The following CCDC183 variants were observed in gnomAD, a reference collection of about 807,000 sequenced individuals.
CCDC183 encodes coiled-coil domain-containing protein 183.
Under a neutral mutation model 65.2 loss-of-function variants are expected in CCDC183, and 63 were observed. The observed-to-expected ratio is 0.97, with a 90% CI of 0.79 to 1.19. CCDC183 has a LOEUF of 1.19. Ranked by LOEUF, CCDC183 falls within the 50% of genes most tolerant of loss-of-function variation. The probability of loss-of-function intolerance (pLI) is 0.00; values close to 1 mark genes in which losing one functional copy is unlikely to be tolerated. For missense variants in CCDC183, 769 were observed against 689.3 expected (o/e 1.12, Z -1.30); for synonymous variants, 323 against 276.5 (o/e 1.17, Z -1.67).
chr9:136,805,055 T>A (rs929262880), intron 8 of CCDC183: 20 of 596,458 alleles, frequency 3.4e-5, no homozygotes, highest in African/African-American at 2.8e-4. Flanking sequence ...CCCCAGTGAC[T>A]CTGCAGAGGA....
In CCDC183 at chr9:136,805,240, C is replaced by T. The variant is rs141051132; in HGVS notation, c.848-117C>T. 1.4e-5 allele frequency: 11 copies of T among 774,004 alleles called. 1 individual carries two copies. In the East Asian group the frequency reaches 3.0e-4, roughly 21 times the overall value. The allele number at this position is 774,004 out of a possible 1,614,324, so 47.9% of individuals were successfully genotyped here. ...CGGGGGCAGGCATCTCTGAAGGATG[C>T]CTGTGTCTTGGGTGGCCGCCCCAGC... On this transcript the variant is annotated intron_variant, in intron 8 of 13. Transcript: ENST00000338005.
chr9:136,801,965 A>G (rs1847742666), intron 5 of CCDC183, among the ~76,000 whole-genome samples: 1 of 151,584 alleles, frequency 6.6e-6, no homozygotes, highest in Admixed American at 6.6e-5. Context: ...TTTTTTTTGT[A>G]TTTTTAGTAG....
intron 10 of CCDC183, 121 bp downstream of exon 10, chr9:136,806,359 G>T: frequency 7.2e-7 from 1 of 1,380,724 alleles, no homozygotes. Context: ...CCCACAGAGG[G>T]GCCAGGGGAC....
intron 5 of CCDC183, among the ~76,000 whole-genome samples, chr9:136,801,047 C>G (rs1847730405): frequency 6.6e-6 from 1 of 152,232 alleles, no homozygotes; most frequent in Non-Finnish European, 1.5e-5. Flanking sequence ...GAGGAGCAAC[C>G]TGTGGATGGG....
intron 6 of CCDC183, among the ~76,000 whole-genome samples, chr9:136,803,163 CA>C (rs1564350089): frequency 1.5e-4 from 7 of 45,198 alleles, no homozygotes; most frequent in African/African-American, 1.1e-3. Flanking sequence ...CCCCCAGGGC[CA>C]GCCCTCTTGG....
At position 136,797,501 on chromosome 9, in the gene CCDC183, C is replaced by T. The variant is rs539282687; in HGVS notation, c.70+1034C>T. ...TTGCCCAGACGGCAGTGCAGTGGCG[C>T]GATCTCGGCTCACTGCAAGCTCCAC... On this transcript the variant is annotated intron_variant, in intron 1 of 13. Transcript: ENST00000338005. Among the ~76,000 whole-genome samples the T allele has an allele frequency of 2.2e-4, 33 of 151,210 alleles. 2 individuals carry two copies. In the South Asian group the frequency reaches 5.9e-3, roughly 27 times the overall value.
chr9:136,804,887 G>A lies in CCDC183; in HGVS notation c.847+71G>A, dbSNP rs1389631119. The stretch of plus-strand genomic sequence containing the variant: ...GAGGCTGGCACTGATTCAGGCCAAC[G>A]GATCAAGTCACCCTGAGGCCAGGTG... On this transcript the variant is annotated intron_variant, in intron 8 of 13. Transcript: ENST00000338005. This position sits in a 1 kb window ranked among gnomAD's most constrained non-coding sequence, Gnocchi z 4.1. 1.2e-5 allele frequency: 16 copies of A among 1,363,668 alleles called. 1 individual carries two copies. Among genetic ancestry groups the A allele is most frequent in the South Asian group, 4.7e-5 (4 of 84,638 alleles). 84.5% of individuals were successfully genotyped at this position (1,363,668 alleles called of 1,614,324 possible). A position where few individuals can be genotyped will look rare whatever the true frequency, so the allele number is the denominator to read the frequency against.
chr9:136,804,261 G>C lies in CCDC183; in HGVS notation c.667-241G>C. On this transcript the variant is annotated intron_variant, in intron 6 of 13. Coordinates refer to ENST00000338005, the MANE Select transcript of CCDC183 (RefSeq NM_001039374.5). This position sits in a 1 kb window ranked among gnomAD's most constrained non-coding sequence, Gnocchi z 4.1. ...GGACCTGGCCAGGAGGCAGCTGGGGGCCAGCGGCTGGAGGGCAGCAGAGCG... is the reference window on the plus strand; with the variant it reads ...GGACCTGGCCAGGAGGCAGCTGGGGCCCAGCGGCTGGAGGGCAGCAGAGCG... 3.9e-6 allele frequency: 2 copies of C among 512,230 alleles called. No individual in the cohort carries two copies. Among genetic ancestry groups the C allele is most frequent in the South Asian group, 4.3e-5 (2 of 46,202 alleles). 31.7% of individuals were successfully genotyped at this position (512,230 alleles called of 1,614,324 possible). A position where few individuals can be genotyped will look rare whatever the true frequency, so the allele number is the denominator to read the frequency against.
chr9:136,798,875 C>T (rs1847693517), intron 1 of CCDC183, among the ~76,000 whole-genome samples: 1 of 152,230 alleles, frequency 6.6e-6, no homozygotes, highest in Non-Finnish European at 1.5e-5. Flanking sequence ...CCCTCCCCAC[C>T]TGTCCACCTC....
intron 6 of CCDC183, among the ~76,000 whole-genome samples, chr9:136,803,505 G>C (rs959578654): frequency 3.9e-5 from 6 of 152,178 alleles, no homozygotes; most frequent in Non-Finnish European, 8.8e-5. Context: ...TATTCACCCA[G>C]TCTGTGCCAA....
chr9:136,799,854 G>T, intron 3 of CCDC183, 64 bp downstream of exon 3: 1 of 1,491,012 alleles, frequency 6.7e-7, no homozygotes, highest in Non-Finnish European at 9.2e-7. Flanking sequence ...CCCCCCACTA[G>T]ATGTTGCGGA....
In CCDC183 at chr9:136,806,668, C is replaced by A. The variant is rs773835805; in HGVS notation, c.1274C>A (p.Thr425Asn). Reference protein sequence around the residue: ...VRLMGINLPATQREVVLSNTL... With the variant: ...VRLMGINLPANQREVVLSNTL... Reference sequence around the variant, plus strand: ...CTGATGGGCATTAACTTGCCTGCGACCCAGGTACCGGGAGTGAGGCTGAGC... The same window carrying A: ...CTGATGGGCATTAACTTGCCTGCGAACCAGGTACCGGGAGTGAGGCTGAGC... The change falls in exon 11 of 14, where the codon ACC becomes AAC. Residue 425 changes from threonine to asparagine, a missense_variant. Physicochemically the swap from Thr to Asn is moderately conservative, Grantham distance 65. Coordinates refer to ENST00000338005, the MANE Select transcript of CCDC183 (RefSeq NM_001039374.5). 1 of 1,613,374 alleles carries A rather than the reference C, an allele frequency of 6.2e-7. No individual in the cohort carries two copies.
In CCDC183 at chr9:136,799,953, T is replaced by A. The variant is rs776000675; in HGVS notation, c.271-49T>A. The A allele has an allele frequency of 2.6e-6, 4 of 1,551,358 alleles. No individual in the cohort carries two copies. In the African/African-American group the frequency reaches 5.4e-5, roughly 21 times the overall value. The stretch of plus-strand genomic sequence containing the variant: ...CCCGCCCGCCTGCTGGCGGGCTCCA[T>A]GGCGGCCCCCTACGCAACCACGAGT... On this transcript the variant is annotated intron_variant, in intron 3 of 13. Transcript: ENST00000338005.
chr9:136,799,983 G>T lies in CCDC183; in HGVS notation c.271-19G>T, dbSNP rs767050626. 8 of 1,575,360 alleles carry T rather than the reference G, an allele frequency of 5.1e-6. No homozygotes were observed. The Admixed American group carries it at 1.3e-4, about 25-fold the overall frequency. ...GCCCCCTACGCAACCACGAGTGGGC[G>T]GTGCCCTTCCCGACCCAGGTGGTGC... is the stretch of plus-strand genomic sequence containing the variant. On this transcript the variant is annotated intron_variant, in intron 3 of 13. Transcript: ENST00000338005.
chr9:136,801,264 G>T (rs1023314512), intron 5 of CCDC183, among the ~76,000 whole-genome samples: 1 of 151,708 alleles, frequency 6.6e-6, no homozygotes, highest in Non-Finnish European at 1.5e-5. Context: ...TTGGCCCCTG[G>T]TCCTATTGGC....
Position 136,806,674 on chromosome 9 carries a change from T to G in CCDC183, c.1278+2T>G, listed in dbSNP as rs1416116748. 6.2e-7 allele frequency: 1 copy of G among 1,613,342 alleles called. No homozygotes were observed. The highest frequency in any genetic ancestry group is 1.7e-5 in the Admixed American group (1 of 60,020). On this transcript the variant is annotated splice_donor_variant, in intron 11 of 13. Transcript: ENST00000338005. LOFTEE classifies it high-confidence loss of function. ...GGCATTAACTTGCCTGCGACCCAGG[T>G]ACCGGGAGTGAGGCTGAGCTGCCAC...
chr9:136,799,183 A>C lies in CCDC183; in HGVS notation c.152A>C (p.Asn51Thr), dbSNP rs752316443. The C allele has an allele frequency of 2.7e-5, 44 of 1,611,602 alleles. 1 individual carries two copies. The Middle Eastern group carries it at 5.1e-4, about 19-fold the overall frequency. Residue 51 changes from asparagine (N) to threonine (T), a missense_variant, in exon 2 of 14, where the codon AAC (asparagine) becomes ACC (threonine). Coordinates refer to ENST00000338005, the MANE Select transcript of CCDC183 (RefSeq NM_001039374.5). ...NKATLALLRS[N>T]IRRGAQDWAL... ...GCCACGCTGGCCCTCCTGCGCAGCA[A>C]CATCCGCCGCGGGGCCCAGGACTGG...
chr9:136,803,489 G>A (rs982398597), intron 6 of CCDC183, among the ~76,000 whole-genome samples: 1 of 152,204 alleles, frequency 6.6e-6, no homozygotes, highest in African/African-American at 2.4e-5. Context: ...CAGGGCGGGG[G>A]TCACCTATTC....
intron 9 of CCDC183, 145 bp downstream of exon 9, chr9:136,805,602 A>C: frequency 1.5e-6 from 1 of 653,272 alleles, no homozygotes; most frequent in Non-Finnish European, 2.6e-6. Flanking sequence ...GGACACACAA[A>C]GTGGCAACTC....
Sources: gnomAD v4.1 joint callset for allele counts (sites outside exome capture counted in the v4.1 genomes callset) on GRCh38, gnomAD v4.1.1 for gene constraint, Gnocchi (gnomAD v3.1) non-coding constraint, MANE v1.5 for transcripts, NCBI Gene and HGNC (gene_info 2026-07-23, HGNC 2026-07-21) for gene names.